The following DZANK1 variants were observed in gnomAD, a reference collection of about 807,000 sequenced individuals.
The protein encoded by DZANK1 is double zinc ribbon and ankyrin repeat domains 1, also known as double zinc ribbon and ankyrin repeat-containing protein 1.
A neutral mutation model predicts 94.5 loss-of-function variants in DZANK1; 91 were observed. The ratio of observed to expected loss-of-function variants is 0.96; its 90% CI spans 0.81 to 1.15. The LOEUF is 1.15. Among genes scored for constraint, DZANK1 ranks in the 50% most tolerant of loss-of-function variants. The pLI, the probability that DZANK1 is intolerant of heterozygous loss-of-function variation, is 0.00. For missense variants in DZANK1, 903 were observed against 916.4 expected (o/e 0.99, Z 0.19); for synonymous variants, 312 against 325.3 (o/e 0.96, Z 0.44).
At chr20:18,434,766 G>C (rs1345983209) in intron 8 of DZANK1, among the ~76,000 whole-genome samples, 1 of 152,090 alleles carries the variant, frequency 6.6e-6, no homozygotes, top group Admixed American at 6.5e-5. Context: ...GGCAGGGCAG[G>C]CTGTGAAAAC....
chr20:18,465,122 G>A (rs1247887314), intron 2 of DZANK1, 128 bp downstream of exon 2: 2 of 616,040 alleles, frequency 3.2e-6, no homozygotes, highest in Non-Finnish European at 2.8e-6. Context: ...AATTTTAGAA[G>A]TTTTACAAAT....
intron 4 of DZANK1, chr20:18,454,710 C>A (rs1363176557): frequency 6.5e-6 from 1 of 154,788 alleles, no homozygotes; most frequent in African/African-American, 2.4e-5. Context: ...TACACACTCA[C>A]CACCCTCTCC....
At chr20:18,415,388 C>A (rs1363367698) in exon 11 of DZANK1, 1 of 1,595,146 alleles carries the variant, frequency 6.3e-7, no homozygotes, top group South Asian at 1.1e-5. Flanking sequence ...ACATCTGTAG[C>A]AGGAAATGGT....
intron 10 of DZANK1, among the ~76,000 whole-genome samples, chr20:18,416,722 T>C (rs6045394): frequency 0.71 from 108,271 of 151,982 alleles, 39,430 homozygotes; most frequent in South Asian, 0.81. Context: ...CCAGCATTCA[T>C]AGACACCCGA....
At chr20:18,460,128 A>G in intron 3 of DZANK1, 25 bp downstream of exon 3, 1 of 1,394,932 alleles carries the variant, frequency 7.2e-7, no homozygotes, top group Non-Finnish European at 9.6e-7. Context: ...CATAAATTAA[A>G]TTAATCACCA....
rs1321014955 is a variant in DZANK1 at position 18,399,022 on chromosome 20, C to T, written c.1433-396G>A. ...TGGCGTGCACCTGTAGTCCCAGCTACTCAAGGGGCAGGAGAATCGCTTGAA... is the reference window on the plus strand; with the variant it reads ...TGGCGTGCACCTGTAGTCCCAGCTATTCAAGGGGCAGGAGAATCGCTTGAA... On this transcript the variant is annotated intron_variant, in intron 13 of 20. Transcript: ENST00000262547. Among the ~76,000 whole-genome samples the T allele has an allele frequency of 2.0e-5, 3 of 151,506 alleles. No homozygotes were observed. The South Asian group carries it at 6.3e-4, about 32-fold the overall frequency.
At chr20:18,419,218 C>T (rs1251749999) in intron 10 of DZANK1, among the ~76,000 whole-genome samples, 7 of 149,486 alleles carry the variant, frequency 4.7e-5, no homozygotes, top group Admixed American at 1.3e-4. Context: ...GCTGAGATTG[C>T]GCCACTGCAC....
exon 14 of DZANK1, chr20:18,398,606 C>A: frequency 6.2e-7 from 1 of 1,613,962 alleles, no homozygotes; most frequent in Non-Finnish European, 8.5e-7. Context: ...GAGATGTGAT[C>A]CAGCTGTCTT....
At chr20:18,401,341 C>A (rs935777264) in intron 13 of DZANK1, among the ~76,000 whole-genome samples, 2 of 152,170 alleles carry the variant, frequency 1.3e-5, no homozygotes, top group African/African-American at 2.4e-5. Flanking sequence ...TGTGAGTCCC[C>A]AGGCTGAACG....
rs750767420 is a variant in DZANK1 at position 18,396,463 on chromosome 20, C to CT, written c.1611+8dup. 4 of 1,607,168 alleles carry CT rather than the reference C, an allele frequency of 2.5e-6. No homozygotes were observed. The African/African-American group carries it at 5.4e-5, about 22-fold the overall frequency. On this transcript the variant is annotated intron_variant, in intron 15 of 20. Transcript: ENST00000262547. ...TTCTCAAATGAATAACTTCTGGAGG[C>CT]TTACTCACCTTGTTTGAGACTTGAC...
At chr20:18,390,488 C>T in intron 17 of DZANK1, 29 bp from the exon 18 acceptor site, 1 of 1,603,692 alleles carries the variant, frequency 6.2e-7, no homozygotes, top group East Asian at 2.2e-5. Flanking sequence ...TGGTCATTTC[C>T]CCCACTTCAA....
In DZANK1 at chr20:18,427,168, C is replaced by CA; in HGVS notation, c.862-10dup. The CA allele has an allele frequency of 1.2e-6, 2 of 1,605,788 alleles. No homozygotes were observed. Among genetic ancestry groups the CA allele is most frequent in the South Asian group, 1.1e-5 (1 of 90,248 alleles). ...CGGCAAATTACCTTCTCCTTAACAA[C>CA]AAAAAATAAGACATACATGTTCCTC... On this transcript the variant is annotated splice_polypyrimidine_tract_variant and intron_variant, in intron 9 of 20. Coordinates refer to ENST00000262547, the Ensembl canonical transcript of DZANK1.
At chr20:18,444,409 C>T (rs2058808360) in intron 7 of DZANK1, among the ~76,000 whole-genome samples, 1 of 152,190 alleles carries the variant, frequency 6.6e-6, no homozygotes, top group Non-Finnish European at 1.5e-5. Flanking sequence ...AGCTGGGAGT[C>T]TCAGAAGGTC....
chr20:18,444,216 G>A (rs978144306), intron 7 of DZANK1, among the ~76,000 whole-genome samples: 5 of 152,188 alleles, frequency 3.3e-5, no homozygotes, highest in African/African-American at 1.2e-4. Context: ...CGTTGGAGCT[G>A]AGCTCATTCC....
At chr20:18,463,691 A>G (rs1173292512) in intron 2 of DZANK1, among the ~76,000 whole-genome samples, 2 of 152,226 alleles carry the variant, frequency 1.3e-5, no homozygotes, top group Non-Finnish European at 2.9e-5. Context: ...TTATGGGCAC[A>G]TACATTAAAA....
intron 3 of DZANK1, among the ~76,000 whole-genome samples, chr20:18,459,772 G>A (rs1159294649): frequency 1.2e-4 from 19 of 152,168 alleles, no homozygotes; most frequent in Admixed American, 1.2e-3. Context: ...TGACGGCGGT[G>A]GTTGTAGGCT....
intron 8 of DZANK1, among the ~76,000 whole-genome samples, chr20:18,440,346 A>G (rs1601052386): frequency 6.6e-6 from 1 of 152,206 alleles, no homozygotes; most frequent in Non-Finnish European, 1.5e-5. Context: ...TGTTATAGCC[A>G]CCGCAGCTGC....
At chr20:18,384,532 C>A in exon 21 of DZANK1, 1 of 1,608,440 alleles carries the variant, frequency 6.2e-7, no homozygotes, top group Admixed American at 1.7e-5. Flanking sequence ...TGTCTGGCCT[C>A]CTGCATTCTT....
intron 10 of DZANK1, among the ~76,000 whole-genome samples, chr20:18,422,972 T>C (rs2057863048): frequency 6.6e-6 from 1 of 152,164 alleles, no homozygotes; most frequent in Admixed American, 6.5e-5. Context: ...ACAATATTAA[T>C]TCCTCCAGTC....
Sources: gnomAD v4.1 joint callset for allele counts (sites outside exome capture counted in the v4.1 genomes callset) on GRCh38, gnomAD v4.1.1 for gene constraint, MANE v1.5 for transcripts, NCBI Gene and HGNC (gene_info 2026-07-23, HGNC 2026-07-21) for gene names.